NDUFAF5: variants seen among roughly 807,000 people sequenced by gnomAD.
NDUFAF5 encodes the protein NADH:ubiquinone oxidoreductase complex assembly factor 5.
Under a neutral mutation model 48.9 loss-of-function variants are expected in NDUFAF5, and 34 were observed. The observed-to-expected ratio is 0.70, with a 90% CI of 0.53 to 0.93. The LOEUF (loss-of-function observed/expected upper bound fraction) is 0.93, where lower values mean the gene tolerates loss of function less well. Among genes scored for constraint, NDUFAF5 ranks in the 40% least tolerant of loss-of-function variants. NDUFAF5 has a pLI of 0.00. For synonymous variants in NDUFAF5, 153 were observed against 150.6 expected, an observed-to-expected ratio of 1.02 and a Z score of -0.12; for missense variants, 428 against 427.5, an observed-to-expected ratio of 1.00 and a Z score of -0.01.
chr20:13,787,255 A>C, intron 1 of NDUFAF5, 57 bp from the exon 2 acceptor site: 1 of 1,561,724 alleles, frequency 6.4e-7, no homozygotes, highest in Non-Finnish European at 8.8e-7. Context: ...TGGATTGTTG[A>C]ATACTGGAAA....
rs115177144 is a variant in NDUFAF5 at position 13,791,458 on chromosome 20, A to G, written c.328-1722A>G. On this transcript the variant is annotated intron_variant, in intron 3 of 10. Transcript: ENST00000378106. ...TTGGAAGTCCCTTTCAGAAGTGACAATTGAAGCCGTAGAAATAGGTAAACT... is the reference window on the plus strand; with the variant it reads ...TTGGAAGTCCCTTTCAGAAGTGACAGTTGAAGCCGTAGAAATAGGTAAACT... Among the ~76,000 whole-genome samples the G allele has an allele frequency of 1.3e-3, 196 of 152,364 alleles. 1 individual carries two copies. Among genetic ancestry groups the G allele is most frequent in the African/African-American group, 4.4e-3 (182 of 41,584 alleles).
chr20:13,816,591 G>A (rs771660690), intron 9 of NDUFAF5, 45 bp downstream of exon 9: 2 of 1,473,520 alleles, frequency 1.4e-6, no homozygotes, highest in Non-Finnish European at 1.9e-6. Flanking sequence ...AGGCACTTGT[G>A]CTGTATCATG....
At chr20:13,810,211 G>GT (rs1334488560) in intron 8 of NDUFAF5, among the ~76,000 whole-genome samples, 1 of 152,176 alleles carries the variant, frequency 6.6e-6, no homozygotes, top group Non-Finnish European at 1.5e-5. Flanking sequence ...GCTTTAGCAG[G>GT]TGGGTAGTCG....
intron 8 of NDUFAF5, chr20:13,814,424 A>G (rs992865644): frequency 1.6e-6 from 2 of 1,286,636 alleles, no homozygotes; most frequent in Non-Finnish European, 2.0e-6. Flanking sequence ...ACAGAACAAA[A>G]GTCCAGAATG....
At chr20:13,786,943 C>T (rs1368764004) in intron 1 of NDUFAF5, among the ~76,000 whole-genome samples, 1 of 152,174 alleles carries the variant, frequency 6.6e-6, no homozygotes, top group African/African-American at 2.4e-5. Context: ...CCCCAACTAA[C>T]TAATTTTTCA....
intron 8 of NDUFAF5, among the ~76,000 whole-genome samples, chr20:13,813,840 A>G (rs1290200709): frequency 6.6e-6 from 1 of 152,224 alleles, no homozygotes; most frequent in Non-Finnish European, 1.5e-5. Flanking sequence ...ACCATAATCC[A>G]GTATTCCTTG....
At chr20:13,807,807 G>C (rs1985274556) in intron 7 of NDUFAF5, among the ~76,000 whole-genome samples, 1 of 151,866 alleles carries the variant, frequency 6.6e-6, no homozygotes, top group Non-Finnish European at 1.5e-5. Context: ...AAATTAGCTG[G>C]GCACGGTGGC....
At chr20:13,807,834 A>G (rs988130171) in intron 7 of NDUFAF5, among the ~76,000 whole-genome samples, 3 of 152,000 alleles carry the variant, frequency 2.0e-5, no homozygotes, top group African/African-American at 7.3e-5. Flanking sequence ...CTGTAATCCC[A>G]GCTACTCGGG....
Position 13,817,353 on chromosome 20 carries a change from A to T in NDUFAF5, c.*143A>T, listed in dbSNP as rs1568788791. 1.3e-6 allele frequency: 1 copy of T among 742,530 alleles called. No homozygotes were observed. Among genetic ancestry groups the T allele is most frequent in the Non-Finnish European group, 2.4e-6 (1 of 410,066 alleles). 46.0% of individuals were successfully genotyped at this position (742,530 alleles called of 1,614,324 possible). A position where few individuals can be genotyped will look rare whatever the true frequency, so the allele number is the denominator to read the frequency against. On this transcript the variant is annotated 3_prime_UTR_variant, in exon 11 of 11. Coordinates refer to ENST00000378106, the MANE Select transcript of NDUFAF5 (RefSeq NM_024120.5). ...CATATAATTAGGAAAACCTAATATC[A>T]CATCTATAGTAACCATTTCAGTTTC...
At chr20:13,787,431 T>C in intron 2 of NDUFAF5, 79 bp downstream of exon 2, 1 of 1,339,244 alleles carries the variant, frequency 7.5e-7, no homozygotes, top group East Asian at 2.3e-5. Context: ...GAACTTGCTA[T>C]CTGAAATGGC....
At position 13,816,446 on chromosome 20, in the gene NDUFAF5, C is replaced by G; in HGVS notation, c.779-17C>G. ...TGTTTGCTGTATTATCTCAAACTAC[C>G]TGTAGTGTATTTGTAGGTATGGGTG... On this transcript the variant is annotated splice_polypyrimidine_tract_variant and intron_variant, in intron 8 of 10. Transcript: ENST00000378106. The G allele has an allele frequency of 6.3e-7, 1 of 1,590,648 alleles. No individual in the cohort carries two copies. Among genetic ancestry groups the G allele is most frequent in the Non-Finnish European group, 8.6e-7 (1 of 1,159,252 alleles).
At chr20:13,793,107 T>C in intron 3 of NDUFAF5, 73 bp from the exon 4 acceptor site, 4 of 1,528,666 alleles carry the variant, frequency 2.6e-6, no homozygotes, top group Non-Finnish European at 3.6e-6. Flanking sequence ...TAATTAACAC[T>C]TTTACCTTTA....
chr20:13,815,217 A>G (rs1986323499), intron 8 of NDUFAF5, among the ~76,000 whole-genome samples: 1 of 152,218 alleles, frequency 6.6e-6, no homozygotes, highest in South Asian at 2.1e-4. Context: ...CTGAGCCAAC[A>G]GACTCTTCCA....
At chr20:13,798,433 A>G (rs755703347) in intron 5 of NDUFAF5, 28 bp from the exon 6 acceptor site, 37 of 1,576,950 alleles carry the variant, frequency 2.3e-5, no homozygotes, top group Non-Finnish European at 3.1e-5. Flanking sequence ...CAGTTAAGCT[A>G]AAACAAATCT....
intron 7 of NDUFAF5, among the ~76,000 whole-genome samples, chr20:13,807,881 A>AGGCTGCAACGAGCG (rs1985293671): frequency 6.6e-6 from 1 of 151,954 alleles, no homozygotes; most frequent in Admixed American, 6.6e-5. Context: ...TTCAGGAGGC[A>AGGCTGCAACGAGCG]GAGGCTGCAA....
chr20:13,796,626 C>G (rs1983258660), intron 5 of NDUFAF5, among the ~76,000 whole-genome samples: 1 of 152,118 alleles, frequency 6.6e-6, no homozygotes, highest in Admixed American at 6.5e-5. Context: ...TCTAAGGAGA[C>G]TGGGAATATG....
rs1427787643 is a variant in NDUFAF5 at position 13,794,877 on chromosome 20, T to C, written c.415T>C (p.Leu139=). The change falls in exon 5 of 11, where the codon TTA becomes CTA. Residue 139 remains leucine (L), a synonymous_variant. Transcript: ENST00000378106. ...SETEIPTVSV[L]ADEEFLPFKE... is the part of the protein sequence containing the mutation. ...AACAGAAATACCTACTGTCAGCGTT[T>C]TAGCTGATGAAGAATTCCTTCCCTT... 1 of 1,613,448 alleles carries C rather than the reference T, an allele frequency of 6.2e-7. No homozygotes were observed. The highest frequency in any genetic ancestry group is 2.2e-5 in the East Asian group (1 of 44,894).
At chr20:13,799,338 G>T (rs750399536) in intron 6 of NDUFAF5, among the ~76,000 whole-genome samples, 1 of 152,092 alleles carries the variant, frequency 6.6e-6, no homozygotes, top group African/African-American at 2.4e-5. Context: ...CCAGTTTCCC[G>T]TTACTGTGCT....
chr20:13,798,816 T>G (rs1242586181), intron 6 of NDUFAF5, among the ~76,000 whole-genome samples: 2 of 152,232 alleles, frequency 1.3e-5, no homozygotes, highest in Non-Finnish European at 2.9e-5. Flanking sequence ...CCATAAACTT[T>G]TTGCAAGTAG....
Sources: gnomAD v4.1 joint callset for allele counts (sites outside exome capture counted in the v4.1 genomes callset) on GRCh38, gnomAD v4.1.1 for gene constraint, MANE v1.5 for transcripts, NCBI Gene and HGNC (gene_info 2026-07-23, HGNC 2026-07-21) for gene names.